The following CACNA2D1 variants were observed in gnomAD, a reference collection of about 807,000 sequenced individuals.
The protein encoded by CACNA2D1 is voltage-dependent calcium channel subunit alpha-2/delta-1.
In CACNA2D1, 53 loss-of-function variants were observed where a neutral mutation model predicts 171.5. The ratio of observed to expected loss-of-function variants is 0.31; its 90% CI spans 0.25 to 0.39. The LOEUF (loss-of-function observed/expected upper bound fraction) is 0.39, where lower values mean the gene tolerates loss of function less well. Among genes scored for constraint, CACNA2D1 ranks in the 10% least tolerant of loss-of-function variants. The pLI is 1.00. For missense variants in CACNA2D1, 903 were observed against 1,299.8 expected (o/e 0.69, Z 4.69); for synonymous variants, 442 against 443.1 (o/e 1.00, Z 0.03).
chr7:82,432,037 T>TAAAAAAAAAAAAAAAA lies in CACNA2D1; in HGVS notation c.95+11312_95+11327dup, dbSNP rs34180150. ...TGGGCAACAGAACAAGACTCTGTCTTAAAAAAAAAAAAAAAAAAAAATTGG... is the reference window on the plus strand; with the variant it reads ...TGGGCAACAGAACAAGACTCTGTCTTAAAAAAAAAAAAAAAAAAAAAAAAAAAAAAAAAAAAATTGG... On this transcript the variant is annotated intron_variant, in intron 1 of 38. Transcript: ENST00000356860. Among the ~76,000 whole-genome samples, 153 of 82,168 alleles carry TAAAAAAAAAAAAAAAA rather than the reference T, an allele frequency of 1.9e-3. 8 individuals carry two copies. Among genetic ancestry groups the TAAAAAAAAAAAAAAAA allele is most frequent in the African/African-American group, 0.011 (145 of 13,050 alleles). The allele number at this position is 82,168 out of a possible 152,430, so 53.9% of individuals were successfully genotyped here.
Position 81,970,692 on chromosome 7 carries a change from G to T in CACNA2D1, c.2187C>A (p.Thr729=). The T allele has an allele frequency of 6.3e-7, 1 of 1,581,850 alleles. No individual in the cohort carries two copies. The highest frequency in any genetic ancestry group is 8.7e-7 in the Non-Finnish European group (1 of 1,151,302). ...ARFVVTDGGI[T]RVYPKEAGEN... ...GAACTTACTCTTTGGGATAAACTCT[G>T]GTAATCCCACCATCAGTCACAACAA... Residue 729 remains threonine, a synonymous_variant, in exon 27 of 39, where the codon ACC becomes ACA. Coordinates refer to ENST00000356860, the MANE Select transcript of CACNA2D1 (RefSeq NM_000722.4).
intron 3 of CACNA2D1, among the ~76,000 whole-genome samples, chr7:82,314,604 C>A (rs1814869075): frequency 6.6e-6 from 1 of 152,132 alleles, no homozygotes; most frequent in African/African-American, 2.4e-5. Flanking sequence ...CAAACGTTTG[C>A]ATGCCACCTT....
intron 3 of CACNA2D1, among the ~76,000 whole-genome samples, chr7:82,187,517 G>A (rs376663739): frequency 1.3e-5 from 2 of 151,700 alleles, no homozygotes; most frequent in South Asian, 2.1e-4. Context: ...CAAGATCACA[G>A]AAGGTCAAAA....
intron 3 of CACNA2D1, among the ~76,000 whole-genome samples, chr7:82,192,711 T>C (rs1001148606): frequency 2.0e-5 from 3 of 151,534 alleles, no homozygotes; most frequent in South Asian, 4.1e-4. Flanking sequence ...GTTGATTCTA[T>C]GTAGATTTTC....
At chr7:82,212,228 G>T (rs1387762953) in intron 3 of CACNA2D1, among the ~76,000 whole-genome samples, 2 of 152,064 alleles carry the variant, frequency 1.3e-5, no homozygotes, top group Admixed American at 1.3e-4. Context: ...CCCAATAAAG[G>T]TTGCCAGATC....
At chr7:82,057,801 C>T (rs1476860662) in intron 10 of CACNA2D1, among the ~76,000 whole-genome samples, 1 of 152,012 alleles carries the variant, frequency 6.6e-6, no homozygotes, top group Non-Finnish European at 1.5e-5. Context: ...AGGCAAGCCA[C>T]CAGCACAGGA....
intron 10 of CACNA2D1, among the ~76,000 whole-genome samples, chr7:82,054,055 TAAC>T (rs1468869215): frequency 6.6e-6 from 1 of 152,212 alleles, no homozygotes; most frequent in Non-Finnish European, 1.5e-5. Context: ...AATACACGTT[TAAC>T]AACATATTTT....
chr7:82,118,148 T>C (rs1789295667), intron 5 of CACNA2D1, among the ~76,000 whole-genome samples: 2 of 152,124 alleles, frequency 1.3e-5, no homozygotes. Flanking sequence ...CAATCAATAA[T>C]GATTCAAGAA....
At chr7:82,313,148 T>G (rs1240349674) in intron 3 of CACNA2D1, among the ~76,000 whole-genome samples, 6 of 152,152 alleles carry the variant, frequency 3.9e-5, no homozygotes. Context: ...ATCTACCTAT[T>G]TTTTCTTCTT....
Position 81,970,714 on chromosome 7 carries a change from A to G in CACNA2D1, c.2165T>C (p.Val722Ala). 1 of 1,594,730 alleles carries G rather than the reference A, an allele frequency of 6.3e-7. No homozygotes were observed. Among genetic ancestry groups the G allele is most frequent in the East Asian group, 2.2e-5 (1 of 44,664 alleles). The change falls in exon 27 of 39, where the codon GTT (valine) becomes GCT (alanine). Residue 722 changes from valine (V) to alanine (A), a missense_variant. By Grantham distance (64) the Val-to-Ala change is moderately conservative. This residue lies in a region of CACNA2D1 where 623 missense variants were observed against 925.5 expected (regional missense o/e 0.67). Coordinates refer to ENST00000356860, the MANE Select transcript of CACNA2D1 (RefSeq NM_000722.4). ...KNIKGVKARFVVTDGGITRVY... is the reference protein window; with the variant it reads ...KNIKGVKARFAVTDGGITRVY... The stretch of plus-strand genomic sequence containing the variant: ...TCTGGTAATCCCACCATCAGTCACA[A>G]CAAATCGTGCTTTCACTCCCTTGCT...
At chr7:82,411,777 G>A (rs987322701) in intron 1 of CACNA2D1, among the ~76,000 whole-genome samples, 3 of 151,730 alleles carry the variant, frequency 2.0e-5, no homozygotes, top group African/African-American at 4.8e-5. Flanking sequence ...GGCATTTCTC[G>A]CAATAGGCAT....
intron 4 of CACNA2D1, among the ~76,000 whole-genome samples, chr7:82,147,491 G>A (rs1347788083): frequency 1.3e-5 from 2 of 152,064 alleles, no homozygotes; most frequent in African/African-American, 4.8e-5. Context: ...CCTTTAATCT[G>A]TAATTCCAAT....
chr7:82,287,980 A>C (rs1261039851), intron 3 of CACNA2D1, among the ~76,000 whole-genome samples: 12 of 146,096 alleles, frequency 8.2e-5, no homozygotes, highest in African/African-American at 2.3e-4. Flanking sequence ...ACAGGAGCCC[A>C]CCACCATGCC....
At chr7:82,189,213 A>C (rs1250986223) in intron 3 of CACNA2D1, among the ~76,000 whole-genome samples, 2 of 152,010 alleles carry the variant, frequency 1.3e-5, no homozygotes, top group Non-Finnish European at 2.9e-5. Flanking sequence ...AACCAATGTC[A>C]ACACTATGAT....
At position 82,301,774 on chromosome 7, in the gene CACNA2D1, TAG is replaced by T. The variant is rs1159758230; in HGVS notation, c.294+33359_294+33360del. Among the ~76,000 whole-genome samples, 16 of 108,460 alleles carry T rather than the reference TAG, an allele frequency of 1.5e-4. No individual in the cohort carries two copies. In the South Asian group the frequency reaches 2.4e-3, roughly 16 times the overall value. 71.2% of individuals were successfully genotyped at this position (108,460 alleles called of 152,430 possible). On this transcript the variant is annotated intron_variant, in intron 3 of 38. Coordinates refer to ENST00000356860, the MANE Select transcript of CACNA2D1 (RefSeq NM_000722.4). ...ACACACACACACACACACACACACA[TAG>T]AGAGAGAGAGACAGAGGCTCTCCCA...
intron 6 of CACNA2D1, among the ~76,000 whole-genome samples, chr7:82,110,601 T>C (rs1788264108): frequency 6.6e-6 from 1 of 152,180 alleles, no homozygotes; most frequent in Non-Finnish European, 1.5e-5. Flanking sequence ...CTGCTACCCC[T>C]GCTCCCCGTT....
At chr7:82,309,288 C>T (rs1465303815) in intron 3 of CACNA2D1, among the ~76,000 whole-genome samples, 2 of 151,982 alleles carry the variant, frequency 1.3e-5, no homozygotes, top group African/African-American at 4.8e-5. Flanking sequence ...TGCCTGTAAT[C>T]CCAGCAACTC....
At chr7:82,275,000 C>T (rs1809136945) in intron 3 of CACNA2D1, among the ~76,000 whole-genome samples, 2 of 150,698 alleles carry the variant, frequency 1.3e-5, no homozygotes, top group Non-Finnish European at 3.0e-5. Flanking sequence ...TGACCTAAAG[C>T]ATGTAGCAAC....
intron 1 of CACNA2D1, among the ~76,000 whole-genome samples, chr7:82,370,421 A>C (rs1243227323): frequency 3.3e-5 from 5 of 151,874 alleles, no homozygotes; most frequent in African/African-American, 1.2e-4. Context: ...GATTAAAATT[A>C]GTGATAAGAA....
Sources: gnomAD v4.1 joint callset for allele counts (sites outside exome capture counted in the v4.1 genomes callset) on GRCh38, gnomAD v4.1.1 for gene constraint, gnomAD v4.1.1 regional missense constraint, MANE v1.5 for transcripts, NCBI Gene and HGNC (gene_info 2026-07-23, HGNC 2026-07-21) for gene names.